The following PAK3 variants were observed in gnomAD, a reference collection of about 807,000 sequenced individuals.
PAK3 encodes serine/threonine-protein kinase PAK 3.
PAK3 carries 4 observed loss-of-function variants against 41.0 expected under a neutral mutation model. That is an observed-to-expected ratio of 0.10 (90% CI 0.05 to 0.22). The LOEUF is 0.22. Ranked by LOEUF, PAK3 falls within the 10% of genes least tolerant of loss-of-function variation. The pLI is 1.00. For missense variants in PAK3, 205 were observed against 409.9 expected (o/e 0.50, Z 4.32); for synonymous variants, 146 against 139.6 (o/e 1.05, Z -0.32).
chrX:111,058,782 A>C (rs757122537), intron 1 of PAK3, among the ~76,000 whole-genome samples: 1 of 111,712 alleles, frequency 9.0e-6, no homozygotes, highest in East Asian at 2.8e-4. Flanking sequence ...TTTTCTTCTG[A>C]GTTTCATTGT....
intron 1 of PAK3, among the ~76,000 whole-genome samples, chrX:111,056,019 C>A (rs919657957): frequency 9.0e-6 from 1 of 111,028 alleles, no homozygotes; most frequent in Non-Finnish European, 1.9e-5. Context: ...CTCTCTCACC[C>A]AATTCACTGC....
At chrX:110,956,197 T>C (rs992874375) in intron 1 of PAK3, among the ~76,000 whole-genome samples, 5 of 112,145 alleles carry the variant, frequency 4.5e-5, no homozygotes, top group African/African-American at 1.6e-4. Context: ...TGGACAGTCA[T>C]TTAGCCTCTC....
intron 11 of PAK3, among the ~76,000 whole-genome samples, chrX:111,189,106 ATTG>A (rs2149306968): frequency 9.0e-6 from 1 of 110,758 alleles, no homozygotes; most frequent in East Asian, 2.9e-4. Flanking sequence ...CCCAGTGTCT[ATTG>A]TTGCCAGCTT....
chrX:111,050,978 G>A, intron 1 of PAK3, among the ~76,000 whole-genome samples: 1 of 111,720 alleles, frequency 9.0e-6, no homozygotes, highest in Non-Finnish European at 1.9e-5. Flanking sequence ...AGACTCAAAG[G>A]ACAAAGTGGC....
intron 1 of PAK3, among the ~76,000 whole-genome samples, chrX:110,993,657 G>A (rs867805070): frequency 8.9e-6 from 1 of 112,098 alleles, no homozygotes; most frequent in Non-Finnish European, 1.9e-5. Flanking sequence ...AAATTCAAAT[G>A]CATGGCTAAA....
At chrX:111,174,964 G>A (rs189784490) in intron 11 of PAK3, among the ~76,000 whole-genome samples, 1 of 111,246 alleles carries the variant, frequency 9.0e-6, no homozygotes. Flanking sequence ...TACTTCTGGT[G>A]GACTTGTTGT....
intron 8 of PAK3, among the ~76,000 whole-genome samples, chrX:111,154,589 A>C (rs749305735): frequency 8.9e-6 from 1 of 111,833 alleles, no homozygotes; most frequent in Non-Finnish European, 1.9e-5. Context: ...CAACAAGAGG[A>C]AAAACTCACT....
At chrX:111,111,707 G>A (rs772883473) in intron 4 of PAK3, among the ~76,000 whole-genome samples, 18 of 111,769 alleles carry the variant, frequency 1.6e-4, no homozygotes, top group African/African-American at 5.2e-4. Flanking sequence ...CACAAACATG[G>A]AAACTGAGGC....
chrX:111,217,629 G>C (rs777545844), intron 17 of PAK3: 1 of 954,816 alleles, frequency 1.0e-6, no homozygotes, highest in African/African-American at 2.0e-5. Context: ...TGGAGAAACT[G>C]AAGAGACTAC....
At position 111,219,235 on chromosome X, in the gene PAK3, T is replaced by TAAG. The variant is rs1556334541; in HGVS notation, c.1546-1122_1546-1120dup. Among the ~76,000 whole-genome samples, 891 of 102,382 alleles carry TAAG rather than the reference T, an allele frequency of 8.7e-3. 9 individuals are homozygous for TAAG. Among genetic ancestry groups the TAAG allele is most frequent in the African/African-American group, 0.03 (826 of 27,174 alleles). The allele number at this position is 102,382 out of a possible 115,157, so 88.9% of individuals were successfully genotyped here. ...ATAATAATAATAATAATAATAATAA[T>TAAG]AAGCAAGAGATAAATGTAAGAGACG... On this transcript the variant is annotated intron_variant, in intron 17 of 17. Transcript: ENST00000372007.
chrX:111,168,751 G>A (rs1293137682), intron 10 of PAK3, among the ~76,000 whole-genome samples: 1 of 111,779 alleles, frequency 8.9e-6, no homozygotes, highest in Non-Finnish European at 1.9e-5. Flanking sequence ...TTCAGAAAGT[G>A]GCTTGGGCTG....
intron 7 of PAK3, among the ~76,000 whole-genome samples, chrX:111,151,752 C>G (rs1234036513): frequency 9.0e-6 from 1 of 111,608 alleles, no homozygotes; most frequent in Non-Finnish European, 1.9e-5. Flanking sequence ...ACAATTATAA[C>G]AATATGCCAG....
chrX:111,173,132 T>A, intron 11 of PAK3, 51 bp downstream of exon 11: 1 of 600,850 alleles, frequency 1.7e-6, no homozygotes, highest in Non-Finnish European at 2.8e-6. Context: ...GCAACATACA[T>A]TAAAATTAAA....
At chrX:111,197,361 A>G (rs1245589759) in intron 16 of PAK3, among the ~76,000 whole-genome samples, 8 of 112,129 alleles carry the variant, frequency 7.1e-5, no homozygotes, top group Admixed American at 6.6e-4. Flanking sequence ...TGTCTTTGCT[A>G]CTGTGAATAG....
intron 10 of PAK3, among the ~76,000 whole-genome samples, chrX:111,171,387 G>A (rs2094338808): frequency 9.1e-6 from 1 of 110,240 alleles, no homozygotes; most frequent in African/African-American, 3.3e-5. Flanking sequence ...AATAAATGAT[G>A]CCCTTCAAAG....
At chrX:110,990,909 C>G (rs182988219) in intron 1 of PAK3, among the ~76,000 whole-genome samples, 1 of 110,879 alleles carries the variant, frequency 9.0e-6, no homozygotes, top group Non-Finnish European at 1.9e-5. Context: ...AGGCATATTG[C>G]TTGAGCCCAG....
In PAK3 at chrX:111,162,971, T is replaced by TGAAGAG; in HGVS notation, c.531_536dup (p.Glu181_Glu182dup). The TGAAGAG allele has an allele frequency of 2.5e-6, 3 of 1,203,715 alleles. No homozygotes were observed. Among genetic ancestry groups the TGAAGAG allele is most frequent in the Non-Finnish European group, 3.4e-6 (3 of 888,958 alleles). On this transcript the variant is annotated inframe_insertion, in exon 9 of 18. Coordinates refer to ENST00000372007, the MANE Select transcript of PAK3 (RefSeq NM_002578.5). ...CCCCTCCTGTGTCTGAAGAAGAAGA[T>TGAAGAG]GAAGAGGAAGAAGAAGAAGAAGATG... is the stretch of plus-strand genomic sequence containing the variant.
intron 16 of PAK3, among the ~76,000 whole-genome samples, chrX:111,207,897 C>A (rs2094772066): frequency 8.9e-6 from 1 of 112,307 alleles, no homozygotes; most frequent in South Asian, 3.7e-4. Flanking sequence ...CAGGTTCAAG[C>A]AATTCTCATG....
chrX:111,096,910 A>ACACACACACACACT (rs2093008662), intron 1 of PAK3, among the ~76,000 whole-genome samples: 1 of 105,828 alleles, frequency 9.4e-6, no homozygotes, highest in Non-Finnish European at 2.0e-5. Flanking sequence ...ACACACACAC[A>ACACACACACACACT]CGAGGAAAGA....
Sources: allele counts gnomAD v4.1 joint callset (sites outside exome capture counted in the v4.1 genomes callset), GRCh38; gene constraint gnomAD v4.1.1; transcripts MANE v1.5; gene names NCBI Gene and HGNC (gene_info 2026-07-23, HGNC 2026-07-21).